Variants in SMYD3 observed in about 807,000 individuals in gnomAD.
The protein encoded by SMYD3 is histone-lysine N-methyltransferase SMYD3.
In SMYD3, 36 loss-of-function variants were observed where a neutral mutation model predicts 57.7. That is an observed-to-expected ratio of 0.62 (90% CI 0.48 to 0.82). SMYD3 has a LOEUF of 0.82. SMYD3 is among the 40% of genes least tolerant of loss of function. SMYD3 has a pLI of 0.00. For missense variants in SMYD3, 515 were observed against 538.8 expected (o/e 0.96, Z 0.44); for synonymous variants, 211 against 195.0 (o/e 1.08, Z -0.68).
chr1:246,004,905 T>C (rs2059142654), intron 5 of SMYD3, among the ~76,000 whole-genome samples: 1 of 152,184 alleles, frequency 6.6e-6, no homozygotes, highest in South Asian at 2.1e-4. Flanking sequence ...AGAGCAGTGG[T>C]GCAATCATGA....
chr1:246,506,989 G>GCCCCCCCCCCCCCCCCCCCCCCC, intron 1 of SMYD3, 65 bp downstream of exon 1: 2 of 649,306 alleles, frequency 3.1e-6, no homozygotes, highest in Non-Finnish European at 4.2e-6. Flanking sequence ...GCCGCCCGAC[G>GCCCCCCCCCCCCCCCCCCCCCCC]CCCCCCCCTC....
At chr1:245,957,997 G>A (rs1280910563) in intron 5 of SMYD3, among the ~76,000 whole-genome samples, 1 of 149,382 alleles carries the variant, frequency 6.7e-6, no homozygotes, top group East Asian at 2.1e-4. Flanking sequence ...GACGCTGAAT[G>A]TAATTATTCA....
chr1:245,936,097 C>T (rs2056967518), intron 5 of SMYD3, among the ~76,000 whole-genome samples: 1 of 152,162 alleles, frequency 6.6e-6, no homozygotes, highest in South Asian at 2.1e-4. Context: ...AATCATTCCA[C>T]CTTGTATACA....
At chr1:245,751,677 G>A (rs1558299549) in intron 11 of SMYD3, among the ~76,000 whole-genome samples, 2 of 152,312 alleles carry the variant, frequency 1.3e-5, no homozygotes, top group East Asian at 3.9e-4. Context: ...CAGCCTGGAA[G>A]ACAGCTCTGC....
At chr1:246,095,702 ACT>A (rs1420322315) in intron 5 of SMYD3, among the ~76,000 whole-genome samples, 2 of 152,182 alleles carry the variant, frequency 1.3e-5, no homozygotes, top group African/African-American at 4.8e-5. Flanking sequence ...ACACAGTGAG[ACT>A]CTGTCTGTAC....
At chr1:246,142,348 G>GT (rs900657177) in intron 5 of SMYD3, among the ~76,000 whole-genome samples, 1 of 151,924 alleles carries the variant, frequency 6.6e-6, no homozygotes, top group African/African-American at 2.4e-5. Context: ...CAACCTCAGC[G>GT]TATTTTTTTT....
rs146678531 is a variant in SMYD3, at chr1:246,212,381, T to C, written c.531+114820A>G. ...ATATGATAAATGAGTACCATTAGGG[T>C]ATTCAAGAATATTTTATGAAAGGAA... On this transcript the variant is annotated intron_variant, in intron 5 of 11. Transcript: ENST00000490107. Among the ~76,000 whole-genome samples the C allele has an allele frequency of 3.7e-3, 567 of 152,230 alleles. 4 individuals are homozygous for C. The highest frequency in any genetic ancestry group is 5.3e-3 in the Non-Finnish European group (362 of 68,004).
intron 5 of SMYD3, among the ~76,000 whole-genome samples, chr1:246,165,455 A>G (rs558873665): frequency 2.2e-4 from 33 of 152,316 alleles, no homozygotes; most frequent in African/African-American, 7.9e-4. Flanking sequence ...AGGTCCATCA[A>G]ATAATAAAAG....
intron 5 of SMYD3, among the ~76,000 whole-genome samples, chr1:246,295,426 T>C (rs1261888298): frequency 6.6e-6 from 1 of 152,166 alleles, no homozygotes; most frequent in East Asian, 1.9e-4. Context: ...GGACACAGTG[T>C]AATTCCAACT....
intron 5 of SMYD3, among the ~76,000 whole-genome samples, chr1:246,298,776 C>T (rs1200761258): frequency 6.6e-6 from 1 of 151,968 alleles, no homozygotes; most frequent in Non-Finnish European, 1.5e-5. Context: ...CTGCCTAGAA[C>T]TGTCATGGCC....
At chr1:246,221,713 C>G (rs986944270) in intron 5 of SMYD3, among the ~76,000 whole-genome samples, 1 of 152,198 alleles carries the variant, frequency 6.6e-6, no homozygotes, top group East Asian at 1.9e-4. Context: ...TGTGTCTGAC[C>G]GCACAGTGGG....
At chr1:246,469,783 A>G (rs1351954556) in intron 1 of SMYD3, among the ~76,000 whole-genome samples, 1 of 152,200 alleles carries the variant, frequency 6.6e-6, no homozygotes, top group African/African-American at 2.4e-5. Flanking sequence ...GAGGAAAAAA[A>G]ACTGACGAGG....
intron 5 of SMYD3, among the ~76,000 whole-genome samples, chr1:246,076,130 G>A (rs750619312): frequency 5.3e-5 from 8 of 151,974 alleles, no homozygotes; most frequent in Non-Finnish European, 1.0e-4. Context: ...ATTTAAACAC[G>A]CACATAAACA....
At chr1:245,915,878 C>T (rs760732841) in intron 7 of SMYD3, among the ~76,000 whole-genome samples, 4 of 152,012 alleles carry the variant, frequency 2.6e-5, no homozygotes, top group Non-Finnish European at 4.4e-5. Flanking sequence ...ATTTAAAGAA[C>T]GGGTCTTATG....
chr1:246,080,707 G>A (rs2060625488), intron 5 of SMYD3, among the ~76,000 whole-genome samples: 1 of 152,184 alleles, frequency 6.6e-6, no homozygotes. Flanking sequence ...TCCAAGTTCA[G>A]TATACCTTTT....
intron 1 of SMYD3, among the ~76,000 whole-genome samples, chr1:246,378,601 C>T (rs1221546827): frequency 2.1e-5 from 3 of 143,084 alleles, no homozygotes; most frequent in Non-Finnish European, 3.0e-5. Context: ...ATTGTGAGAC[C>T]TTGTGATTGT....
chr1:246,041,399 A>C (rs759796905), intron 5 of SMYD3, among the ~76,000 whole-genome samples: 1 of 152,200 alleles, frequency 6.6e-6, no homozygotes, highest in Non-Finnish European at 1.5e-5. Context: ...TAAAAATACT[A>C]ATCATCAAAA....
At chr1:246,197,121 C>T (rs2062839496) in intron 5 of SMYD3, among the ~76,000 whole-genome samples, 1 of 152,104 alleles carries the variant, frequency 6.6e-6, no homozygotes, top group Admixed American at 6.5e-5. Flanking sequence ...TGGATTATAA[C>T]TAGAGATATA....
intron 5 of SMYD3, among the ~76,000 whole-genome samples, chr1:246,119,416 T>TC (rs1224978869): frequency 6.7e-4 from 74 of 110,346 alleles, no homozygotes; most frequent in African/African-American, 3.4e-3. Context: ...GTTCTTTCTT[T>TC]TTTTTTTTTT....
Sources: gnomAD v4.1 joint callset for allele counts (sites outside exome capture counted in the v4.1 genomes callset) on GRCh38, gnomAD v4.1.1 for gene constraint, MANE v1.5 for transcripts, NCBI Gene and HGNC (gene_info 2026-07-23, HGNC 2026-07-21) for gene names.